Variants in PHF24 observed in about 807,000 individuals in gnomAD.
PHF24 encodes PHD finger protein 24.
PHF24 carries 25 observed loss-of-function variants against 42.6 expected under a neutral mutation model. The ratio of observed to expected loss-of-function variants is 0.59; its 90% CI spans 0.43 to 0.82. PHF24 has a LOEUF of 0.82. Among genes scored for constraint, PHF24 ranks in the 40% least tolerant of loss-of-function variants. The pLI, the probability that PHF24 is intolerant of heterozygous loss-of-function variation, is 0.00. For missense variants in PHF24, 470 were observed against 538.1 expected (o/e 0.87, Z 1.25); for synonymous variants, 185 against 204.8 (o/e 0.90, Z 0.83).
the PHF24 span, among the ~76,000 whole-genome samples, chr9:34,695,881 A>G: frequency 6.6e-6 from 1 of 152,108 alleles, no homozygotes; most frequent in Non-Finnish European, 1.5e-5. Context: ...GTACCAGGAC[A>G]TAGATTCCCA....
chr9:34,870,434 C>T, the PHF24 span, among the ~76,000 whole-genome samples: 1 of 152,222 alleles, frequency 6.6e-6, no homozygotes, highest in African/African-American at 2.4e-5. Context: ...CATCCCTCCC[C>T]GTAACCTTTG....
At chr9:34,771,975 T>G in the PHF24 span, among the ~76,000 whole-genome samples, 2 of 152,204 alleles carry the variant, frequency 1.3e-5, no homozygotes, top group African/African-American at 4.8e-5. Flanking sequence ...TTATGGAAAT[T>G]CATCAAGATA....
the PHF24 span, among the ~76,000 whole-genome samples, chr9:34,935,621 G>A: frequency 6.6e-6 from 1 of 151,220 alleles, no homozygotes; most frequent in South Asian, 2.1e-4. Context: ...GAGAGAATGG[G>A]AAGAGAGGTG....
At chr9:34,911,861 A>G in the PHF24 span, among the ~76,000 whole-genome samples, 4 of 152,204 alleles carry the variant, frequency 2.6e-5, no homozygotes, top group African/African-American at 9.6e-5. Context: ...AGGAAAGTCA[A>G]AGCCTGAAGA....
At chr9:34,892,562 A>G in the PHF24 span, 1 of 420,812 alleles carries the variant, frequency 2.4e-6, no homozygotes, top group Non-Finnish European at 4.2e-6. Context: ...TTGCAATAGC[A>G]GTTGGAAAGG....
At chr9:34,732,829 C>G in the PHF24 span, among the ~76,000 whole-genome samples, 1 of 152,080 alleles carries the variant, frequency 6.6e-6, no homozygotes, top group Non-Finnish European at 1.5e-5. Context: ...TTTCCCTTTT[C>G]TTTTAGTTTT....
At chr9:34,750,527 T>G in the PHF24 span, among the ~76,000 whole-genome samples, 1 of 149,906 alleles carries the variant, frequency 6.7e-6, no homozygotes, top group East Asian at 1.9e-4. Flanking sequence ...AATAAATAAA[T>G]AAATAAATAA....
chr9:34,700,793 A>G, the PHF24 span, among the ~76,000 whole-genome samples: 1 of 152,156 alleles, frequency 6.6e-6, no homozygotes, highest in East Asian at 1.9e-4. Context: ...ACATGAACAG[A>G]TCAGGAAGAG....
At chr9:34,900,939 C>T in the PHF24 span, among the ~76,000 whole-genome samples, 1 of 152,156 alleles carries the variant, frequency 6.6e-6, no homozygotes, top group Non-Finnish European at 1.5e-5. Flanking sequence ...TATAAATTAC[C>T]ACTCTGTGGT....
the PHF24 span, among the ~76,000 whole-genome samples, chr9:34,751,813 C>T: frequency 6.6e-6 from 1 of 152,104 alleles, no homozygotes; most frequent in East Asian, 1.9e-4. Context: ...CATAAAACAA[C>T]TCTTAAAACT....
chr9:34,828,935 A>ATATCTG, the PHF24 span, among the ~76,000 whole-genome samples: 1 of 151,844 alleles, frequency 6.6e-6, no homozygotes, highest in Non-Finnish European at 1.5e-5. Flanking sequence ...ATCTATATCT[A>ATATCTG]TATCTATATC....
At chr9:34,675,844 G>A in the PHF24 span, among the ~76,000 whole-genome samples, 1 of 152,122 alleles carries the variant, frequency 6.6e-6, no homozygotes, top group Non-Finnish European at 1.5e-5. Flanking sequence ...GCCCTGGGGT[G>A]TCAGAGGGAA....
At chr9:34,703,422 G>C in the PHF24 span, among the ~76,000 whole-genome samples, 1 of 152,064 alleles carries the variant, frequency 6.6e-6, no homozygotes, top group Non-Finnish European at 1.5e-5. Context: ...ACCCGCCTCG[G>C]CCTCTCAAAG....
chr9:34,773,439 A>T, the PHF24 span, among the ~76,000 whole-genome samples: 1 of 152,142 alleles, frequency 6.6e-6, no homozygotes, highest in Non-Finnish European at 1.5e-5. Flanking sequence ...AAAAAAAAAA[A>T]TTGGTGGAGA....
At chr9:34,909,671 G>T in the PHF24 span, among the ~76,000 whole-genome samples, 1 of 151,616 alleles carries the variant, frequency 6.6e-6, no homozygotes, top group Admixed American at 6.6e-5. Context: ...GCCCAGGCTG[G>T]AGTGCAGTGG....
chr9:34,686,828 C>T, the PHF24 span, among the ~76,000 whole-genome samples: 1 of 152,160 alleles, frequency 6.6e-6, no homozygotes, highest in Non-Finnish European at 1.5e-5. Flanking sequence ...ATCTGACAAT[C>T]TCTGGTGGGC....
chr9:34,837,243 T>C, the PHF24 span: 2 of 401,106 alleles, frequency 5.0e-6, no homozygotes, highest in Admixed American at 3.2e-5. Flanking sequence ...ACCCTAATTA[T>C]AAATGCTTTA....
At chr9:34,734,765 G>A in the PHF24 span, among the ~76,000 whole-genome samples, 1 of 152,178 alleles carries the variant, frequency 6.6e-6, no homozygotes, top group East Asian at 1.9e-4. Flanking sequence ...CACAGCCCCT[G>A]TCTAAAACTG....
chr9:34,873,823 C>G, the PHF24 span, among the ~76,000 whole-genome samples: 1 of 151,068 alleles, frequency 6.6e-6, no homozygotes, highest in African/African-American at 2.4e-5. Flanking sequence ...GATATTGATT[C>G]TTCCTACCCA....
Sources: allele counts gnomAD v4.1 joint callset (sites outside exome capture counted in the v4.1 genomes callset), GRCh38; gene constraint gnomAD v4.1.1; transcripts MANE v1.5; gene names NCBI Gene and HGNC (gene_info 2026-07-23, HGNC 2026-07-21).